IL1RAPL1: variants seen among roughly 807,000 people sequenced by gnomAD.
The protein encoded by IL1RAPL1 is interleukin 1 receptor accessory protein like 1.
Under a neutral mutation model 48.4 loss-of-function variants are expected in IL1RAPL1, and 3 were observed. The ratio of observed to expected loss-of-function variants is 0.06; its 90% CI spans 0.03 to 0.16. The LOEUF (loss-of-function observed/expected upper bound fraction) is 0.16, where lower values mean the gene tolerates loss of function less well. Among genes scored for constraint, IL1RAPL1 ranks in the 10% least tolerant of loss-of-function variants. The pLI is 1.00. For missense variants in IL1RAPL1, 349 were observed against 530.6 expected (o/e 0.66, Z 3.36); for synonymous variants, 185 against 187.7 (o/e 0.99, Z 0.12).
intron 6 of IL1RAPL1, among the ~76,000 whole-genome samples, chrX:29,803,537 A>G (rs1342160120): frequency 3.0e-5 from 3 of 99,833 alleles, no homozygotes; most frequent in Admixed American, 1.1e-4. Context: ...ATATGTATAC[A>G]TATATGTATA....
intron 1 of IL1RAPL1, among the ~76,000 whole-genome samples, chrX:28,605,091 C>T (rs1459944683): frequency 9.0e-6 from 1 of 111,599 alleles, no homozygotes; most frequent in Admixed American, 9.6e-5. Flanking sequence ...TGGGAAAATG[C>T]TCCATGGTTT....
intron 2 of IL1RAPL1, among the ~76,000 whole-genome samples, chrX:29,176,226 T>C (rs1219039117): frequency 9.4e-6 from 1 of 106,169 alleles, no homozygotes; most frequent in African/African-American, 3.4e-5. Context: ...CCTGAGTAGC[T>C]GGGACCACAG....
intron 2 of IL1RAPL1, among the ~76,000 whole-genome samples, chrX:28,811,175 TTAAA>T (rs1192957316): frequency 5.4e-5 from 6 of 110,839 alleles, no homozygotes; most frequent in African/African-American, 1.6e-4. Flanking sequence ...TTATTTCAAC[TTAAA>T]TAATCTGATA....
At chrX:28,640,239 A>G (rs1934517294) in intron 1 of IL1RAPL1, among the ~76,000 whole-genome samples, 1 of 112,117 alleles carries the variant, frequency 8.9e-6, no homozygotes, top group African/African-American at 3.2e-5. Flanking sequence ...TAAATATATG[A>G]ACAATTAGTA....
At chrX:29,520,786 C>T (rs745824732) in intron 5 of IL1RAPL1, among the ~76,000 whole-genome samples, 6 of 111,212 alleles carry the variant, frequency 5.4e-5, no homozygotes, top group South Asian at 3.7e-4. Context: ...GAACTCCTTT[C>T]TTTAAATATA....
At chrX:29,696,084 A>G (rs1601783208) in intron 6 of IL1RAPL1, among the ~76,000 whole-genome samples, 2 of 111,484 alleles carry the variant, frequency 1.8e-5, no homozygotes, top group Non-Finnish European at 3.8e-5. Flanking sequence ...CCTCGGCACT[A>G]CTGACATTTT....
intron 5 of IL1RAPL1, among the ~76,000 whole-genome samples, chrX:29,568,515 A>G (rs1922486290): frequency 9.0e-6 from 1 of 110,654 alleles, no homozygotes; most frequent in South Asian, 3.8e-4. Context: ...TCTGTTGAAA[A>G]CTGTAAAGTT....
chrX:29,234,388 A>G (rs1245444523), intron 2 of IL1RAPL1, among the ~76,000 whole-genome samples: 1 of 111,476 alleles, frequency 9.0e-6, no homozygotes, highest in East Asian at 2.8e-4. Flanking sequence ...ATGAAATCCT[A>G]CATAACACAG....
chrX:29,882,001 C>T (rs181354186), intron 6 of IL1RAPL1, among the ~76,000 whole-genome samples: 2 of 111,281 alleles, frequency 1.8e-5, no homozygotes, highest in Non-Finnish European at 1.9e-5. Context: ...GTTACATGTG[C>T]TCTACTGATA....
intron 5 of IL1RAPL1, among the ~76,000 whole-genome samples, chrX:29,434,475 T>C (rs1249462058): frequency 9.0e-6 from 1 of 111,049 alleles, no homozygotes; most frequent in African/African-American, 3.2e-5. Flanking sequence ...TTTAACGTGC[T>C]GGTCATGTGA....
intron 2 of IL1RAPL1, among the ~76,000 whole-genome samples, chrX:28,836,034 A>T (rs1921197463): frequency 9.0e-6 from 1 of 110,784 alleles, no homozygotes; most frequent in South Asian, 3.7e-4. Flanking sequence ...GTTGTCTAAA[A>T]ATAGAAGATC....
intron 2 of IL1RAPL1, among the ~76,000 whole-genome samples, chrX:28,813,742 T>C (rs1936822249): frequency 9.0e-6 from 1 of 111,039 alleles, no homozygotes; most frequent in Non-Finnish European, 1.9e-5. Context: ...GATTGTAATG[T>C]CTTCTTGGGA....
chrX:29,562,119 T>TA (rs938338369), intron 5 of IL1RAPL1, among the ~76,000 whole-genome samples: 18 of 25,340 alleles, frequency 7.1e-4, no homozygotes, highest in East Asian at 4.8e-3. Context: ...CTATCTAATC[T>TA]ATCTATCTAT....
intron 2 of IL1RAPL1, among the ~76,000 whole-genome samples, chrX:29,063,474 T>G (rs1479159753): frequency 8.9e-6 from 1 of 111,754 alleles, no homozygotes; most frequent in Non-Finnish European, 1.9e-5. Flanking sequence ...CCAATCCATT[T>G]TTGTTCTCCA....
chrX:29,375,687 C>T (rs1933613396), intron 3 of IL1RAPL1, among the ~76,000 whole-genome samples: 1 of 112,018 alleles, frequency 8.9e-6, no homozygotes, highest in Admixed American at 9.5e-5. Context: ...TTACAGCTTC[C>T]TCACATTGTT....
At chrX:29,372,773 C>CTTTTTTTTTT (rs1160543169) in intron 3 of IL1RAPL1, among the ~76,000 whole-genome samples, 10 of 63,485 alleles carry the variant, frequency 1.6e-4, no homozygotes, top group African/African-American at 2.5e-4. Flanking sequence ...GTCTATGTGT[C>CTTTTTTTTTT]TTTTTTTTTT....
intron 5 of IL1RAPL1, among the ~76,000 whole-genome samples, chrX:29,434,942 A>T (rs1189133253): frequency 9.0e-6 from 1 of 110,846 alleles, no homozygotes; most frequent in African/African-American, 3.3e-5. Flanking sequence ...CATTACTCCA[A>T]AAATAAACCC....
intron 6 of IL1RAPL1, among the ~76,000 whole-genome samples, chrX:29,879,488 C>A: frequency 9.6e-6 from 1 of 104,505 alleles, no homozygotes; most frequent in African/African-American, 3.5e-5. Flanking sequence ...AGGTAATTTC[C>A]CAGTATGAAA....
At chrX:28,721,340 G>T (rs757990918) in intron 1 of IL1RAPL1, among the ~76,000 whole-genome samples, 1 of 111,645 alleles carries the variant, frequency 9.0e-6, no homozygotes, top group African/African-American at 3.3e-5. Context: ...TTCTCTGATG[G>T]CCAGTGACGA....
Sources: allele counts gnomAD v4.1 joint callset (sites outside exome capture counted in the v4.1 genomes callset), GRCh38; gene constraint gnomAD v4.1.1; transcripts MANE v1.5; gene names NCBI Gene and HGNC (gene_info 2026-07-23, HGNC 2026-07-21).